The following TRHDE variants were observed in gnomAD, a reference collection of about 807,000 sequenced individuals.
The protein encoded by TRHDE is thyrotropin-releasing hormone-degrading ectoenzyme.
In TRHDE, 72 loss-of-function variants were observed where a neutral mutation model predicts 125.7. That is an observed-to-expected ratio of 0.57 (90% CI 0.47 to 0.70). The LOEUF is 0.70. TRHDE is among the 30% of genes least tolerant of loss of function. The pLI is 0.00. For missense variants in TRHDE, 1,110 were observed against 1,327.1 expected (o/e 0.84, Z 2.54); for synonymous variants, 509 against 509.1 (o/e 1.00, Z 0.00).
chr12:72,469,259 A>T (rs1592468368), intron 3 of TRHDE, among the ~76,000 whole-genome samples: 1 of 152,192 alleles, frequency 6.6e-6, no homozygotes, highest in Admixed American at 6.5e-5. Context: ...TTCATGTAAC[A>T]TATTTCTTTT....
intron 3 of TRHDE, among the ~76,000 whole-genome samples, chr12:72,418,483 T>C (rs1221782601): frequency 1.3e-5 from 2 of 152,128 alleles, no homozygotes; most frequent in Non-Finnish European, 2.9e-5. Context: ...TTCTTTGTCC[T>C]CCAGCTGTGT....
chr12:72,631,833 A>T (rs552110511), intron 15 of TRHDE, among the ~76,000 whole-genome samples: 1 of 152,098 alleles, frequency 6.6e-6, no homozygotes, highest in East Asian at 1.9e-4. Flanking sequence ...GGTTATGCCA[A>T]AAAACTCAAC....
chr12:72,630,341 G>T (rs780259170), intron 15 of TRHDE, among the ~76,000 whole-genome samples: 2 of 151,696 alleles, frequency 1.3e-5, no homozygotes, highest in African/African-American at 4.8e-5. Context: ...AGAGATACCG[G>T]GAGTAAGTCA....
At chr12:72,207,799 A>G (rs904810075) in intron 2 of TRHDE, among the ~76,000 whole-genome samples, 1 of 152,188 alleles carries the variant, frequency 6.6e-6, no homozygotes, top group African/African-American at 2.4e-5. Context: ...GCTGCTTTGT[A>G]GCGCTTTTCT....
intron 3 of TRHDE, among the ~76,000 whole-genome samples, chr12:72,413,447 T>G (rs1253136661): frequency 7.7e-6 from 1 of 129,788 alleles, no homozygotes; most frequent in East Asian, 2.4e-4. Flanking sequence ...TTATTAATTT[T>G]TATATAGATT....
intron 2 of TRHDE, among the ~76,000 whole-genome samples, chr12:72,198,112 A>G (rs1264817143): frequency 6.6e-6 from 1 of 152,106 alleles, no homozygotes; most frequent in Non-Finnish European, 1.5e-5. Context: ...AATGTTTTCA[A>G]GATTCATTCA....
intron 2 of TRHDE, among the ~76,000 whole-genome samples, chr12:72,126,470 T>C (rs1020312522): frequency 2.0e-5 from 3 of 152,114 alleles, no homozygotes; most frequent in African/African-American, 7.2e-5. Flanking sequence ...CAGGCTACGG[T>C]ACCCCAAATA....
chr12:72,240,862 GC>G (rs1383673177), intron 2 of TRHDE, among the ~76,000 whole-genome samples: 7 of 152,080 alleles, frequency 4.6e-5, no homozygotes, highest in Admixed American at 3.9e-4. Context: ...ATGAGCCACC[GC>G]GCCTGGCCTC....
At chr12:72,338,909 C>T (rs995176617) in intron 2 of TRHDE, among the ~76,000 whole-genome samples, 39 of 152,116 alleles carry the variant, frequency 2.6e-4, no homozygotes, top group Admixed American at 2.2e-3. Context: ...AGCCTTTAAA[C>T]GCTTTCTCTT....
intron 2 of TRHDE, among the ~76,000 whole-genome samples, chr12:72,123,158 T>C (rs1449669811): frequency 6.6e-6 from 1 of 152,156 alleles, no homozygotes; most frequent in African/African-American, 2.4e-5. Context: ...CAGGTTGTGG[T>C]AGTGCTGTGT....
At chr12:72,369,061 G>T (rs1871459343) in intron 2 of TRHDE, among the ~76,000 whole-genome samples, 1 of 152,036 alleles carries the variant, frequency 6.6e-6, no homozygotes, top group Non-Finnish European at 1.5e-5. Context: ...TGACCAAAGG[G>T]GTTGAAGATA....
intron 3 of TRHDE, among the ~76,000 whole-genome samples, chr12:72,402,371 G>A (rs1873080048): frequency 6.6e-6 from 1 of 152,144 alleles, no homozygotes; most frequent in Non-Finnish European, 1.5e-5. Flanking sequence ...ACAGCACATG[G>A]GCTGCAGGTT....
chr12:72,401,675 A>G (rs1873047711), intron 3 of TRHDE, among the ~76,000 whole-genome samples: 3 of 152,196 alleles, frequency 2.0e-5, no homozygotes, highest in African/African-American at 4.8e-5. Flanking sequence ...TTTTTATATC[A>G]TCTTATAATA....
intron 12 of TRHDE, among the ~76,000 whole-genome samples, chr12:72,585,410 A>G (rs1871397812): frequency 6.6e-6 from 1 of 152,214 alleles, no homozygotes; most frequent in South Asian, 2.1e-4. Flanking sequence ...TCCCTTTCCT[A>G]CATTCACAAC....
intron 2 of TRHDE, among the ~76,000 whole-genome samples, chr12:72,301,483 C>T (rs1460787187): frequency 2.0e-5 from 3 of 152,080 alleles, no homozygotes; most frequent in Non-Finnish European, 4.4e-5. Flanking sequence ...TTTAGGGATC[C>T]TATTAAATAA....
intron 2 of TRHDE, among the ~76,000 whole-genome samples, chr12:72,228,875 A>G (rs1446737283): frequency 2.6e-5 from 4 of 152,214 alleles, no homozygotes; most frequent in Non-Finnish European, 4.4e-5. Flanking sequence ...CTAAGGCATC[A>G]CAAGAGTCAC....
At chr12:72,099,407 C>T (rs1875015085) in intron 1 of TRHDE, among the ~76,000 whole-genome samples, 1 of 152,156 alleles carries the variant, frequency 6.6e-6, no homozygotes. Context: ...CAGTGTCTCA[C>T]ACTGAGAATC....
rs963754867 is a variant in TRHDE at position 72,457,481 on chromosome 12, A to C, written c.1316-12277A>C. On this transcript the variant is annotated intron_variant, in intron 3 of 18. Coordinates refer to ENST00000261180, the MANE Select transcript of TRHDE (RefSeq NM_013381.3). ...CTCTCTGATAATCCATTCATTGTTT[A>C]GATGCCAGTTAATATTAAGTAATAC... Among the ~76,000 whole-genome samples the C allele has an allele frequency of 3.9e-5, 6 of 152,260 alleles. No individual in the cohort carries two copies. The South Asian group carries it at 1.2e-3, about 32-fold the overall frequency.
intron 2 of TRHDE, among the ~76,000 whole-genome samples, chr12:72,155,203 G>GCATT (rs1876474858): frequency 1.3e-5 from 2 of 152,252 alleles, no homozygotes; most frequent in African/African-American, 4.8e-5. Flanking sequence ...TGAGGCTTGT[G>GCATT]CATTCATCAT....
Sources: allele counts gnomAD v4.1 joint callset (sites outside exome capture counted in the v4.1 genomes callset), GRCh38; gene constraint gnomAD v4.1.1; transcripts MANE v1.5; gene names NCBI Gene and HGNC (gene_info 2026-07-23, HGNC 2026-07-21).